The following JAKMIP1 variants were observed in gnomAD, a reference collection of about 807,000 sequenced individuals.
JAKMIP1 encodes janus kinase and microtubule-interacting protein 1.
A neutral mutation model predicts 113.0 loss-of-function variants in JAKMIP1; 33 were observed. The observed-to-expected ratio is 0.29, with a 90% CI of 0.22 to 0.39. The LOEUF (loss-of-function observed/expected upper bound fraction) is 0.39. Ranked by LOEUF, JAKMIP1 falls within the 10% of genes least tolerant of loss-of-function variation. The pLI is 1.00. For synonymous variants in JAKMIP1, 480 were observed against 459.9 expected (o/e 1.04, Z -0.56); for missense variants, 813 against 1,080.5 (o/e 0.75, Z 3.47).
At chr4:6,198,316 C>CT (rs55823725) in intron 1 of JAKMIP1, among the ~76,000 whole-genome samples, 3 of 151,452 alleles carry the variant, frequency 2.0e-5, no homozygotes, top group African/African-American at 4.9e-5. Context: ...TTGTTTTAGA[C>CT]GGGGGGAAAA....
chr4:6,199,755 G>A lies in JAKMIP1; in HGVS notation c.-148+498C>T, dbSNP rs1372555655. ...CCGCGCCGCCGGGGCGCGGCCCCCA[G>A]CTCCATCTTCTTTGCCACCTGGGCG... is the stretch of plus-strand genomic sequence containing the variant. On this transcript the variant is annotated intron_variant, in intron 1 of 20. Transcript: ENST00000409021. This position sits in a 1 kb window ranked among gnomAD's most constrained non-coding sequence, Gnocchi z 5.6. Among the ~76,000 whole-genome samples the A allele has an allele frequency of 1.3e-5, 2 of 151,086 alleles. No homozygotes were observed. Among genetic ancestry groups the A allele is most frequent in the Admixed American group, 6.6e-5 (1 of 15,214 alleles).
chr4:6,085,699 G>GGAGA, intron 3 of JAKMIP1, 70 bp from the exon 4 acceptor site: 1 of 1,444,616 alleles, frequency 6.9e-7, no homozygotes, highest in Non-Finnish European at 9.6e-7. Flanking sequence ...CCCAAATTGG[G>GGAGA]GCCTTCGGCC....
intron 12 of JAKMIP1, among the ~76,000 whole-genome samples, chr4:6,055,332 C>T (rs996786260): frequency 1.3e-5 from 2 of 152,100 alleles, no homozygotes; most frequent in Admixed American, 6.5e-5. Context: ...GATGGTTGTG[C>T]AACACAGTAG....
chr4:6,113,156 G>T (rs1034063104), intron 1 of JAKMIP1, among the ~76,000 whole-genome samples, 159 bp from the exon 2 acceptor site: 3 of 152,212 alleles, frequency 2.0e-5, no homozygotes, highest in Admixed American at 6.5e-5. Flanking sequence ...CAGCAGAATC[G>T]CTTGGAGGTT....
rs781585043 is a variant in JAKMIP1 at position 6,137,820 on chromosome 4, C to T, written c.-147-24823G>A. 6.6e-6 allele frequency among the ~76,000 whole-genome samples: 1 copy of T among 152,262 alleles called. No individual in the cohort carries two copies. Among genetic ancestry groups the T allele is most frequent in the South Asian group, 2.1e-4 (1 of 4,832 alleles). The stretch of plus-strand genomic sequence containing the variant: ...AGGTGGGGATAGGACAAGGTGCCCA[C>T]TGGCTGGCATGGGCCTGGCAGACAA... On this transcript the variant is annotated intron_variant, in intron 1 of 20. Coordinates refer to ENST00000409021, the MANE Select transcript of JAKMIP1 (RefSeq NM_001099433.2). The surrounding 1 kb of genome is among the most constrained non-coding windows in gnomAD (Gnocchi z 4.5).
Position 6,093,666 on chromosome 4 carries a change from C to T in JAKMIP1, c.625-8037G>A, listed in dbSNP as rs1399099785. On this transcript the variant is annotated intron_variant, in intron 3 of 20. Coordinates refer to ENST00000409021, the MANE Select transcript of JAKMIP1 (RefSeq NM_001099433.2). The surrounding 1 kb of genome is among the most constrained non-coding windows in gnomAD (Gnocchi z 4.6). The stretch of plus-strand genomic sequence containing the variant: ...AAGTTCAGGGTCCTGAACCAGACAC[C>T]TCCTGTATTACAATGAATGATGTCC... 1.3e-5 allele frequency among the ~76,000 whole-genome samples: 2 copies of T among 152,172 alleles called. No homozygotes were observed. Among genetic ancestry groups the T allele is most frequent in the East Asian group, 3.9e-4 (2 of 5,188 alleles).
At chr4:6,169,610 T>TGTGTGTGTGTGTGA (rs1724099484) in intron 1 of JAKMIP1, among the ~76,000 whole-genome samples, 1 of 147,420 alleles carries the variant, frequency 6.8e-6, no homozygotes, top group Admixed American at 6.8e-5. Flanking sequence ...AAATTGTGTG[T>TGTGTGTGTGTGTGA]GTGTGTGTGT....
chr4:6,189,265 C>T (rs1265511104), intron 1 of JAKMIP1, among the ~76,000 whole-genome samples: 1 of 152,166 alleles, frequency 6.6e-6, no homozygotes, highest in Non-Finnish European at 1.5e-5. Flanking sequence ...CGTAAGGTAG[C>T]GAAATGCCAG....
intron 15 of JAKMIP1, 32 bp from the exon 16 acceptor site, chr4:6,048,954 C>T: frequency 6.4e-7 from 1 of 1,558,830 alleles, no homozygotes; most frequent in African/African-American, 1.4e-5. Context: ...GGGCATTTGA[C>T]ACTGGATCCC....
At chr4:6,170,655 C>T (rs1015114169) in intron 1 of JAKMIP1, among the ~76,000 whole-genome samples, 8 of 151,630 alleles carry the variant, frequency 5.3e-5, no homozygotes, top group Admixed American at 3.3e-4. Flanking sequence ...CCATTACCAC[C>T]ACCAATCCCA....
intron 19 of JAKMIP1, among the ~76,000 whole-genome samples, chr4:6,034,710 G>A (rs1323880153): frequency 1.3e-5 from 2 of 152,178 alleles, no homozygotes; most frequent in African/African-American, 4.8e-5. Context: ...GCTGAGGCAA[G>A]AGAATTGCTT....
Position 6,043,598 on chromosome 4 carries a change from C to T in JAKMIP1, c.2029-1371G>A, listed in dbSNP as rs368889881. Reference sequence around the variant, plus strand: ...GGACCCCTGATGGGGAAGAGTGCCCCCTCCTTCCTTCCGTCCACTTCCAAC... The same window carrying T: ...GGACCCCTGATGGGGAAGAGTGCCCTCTCCTTCCTTCCGTCCACTTCCAAC... On this transcript the variant is annotated intron_variant, in intron 16 of 20. Transcript: ENST00000409021. Among the ~76,000 whole-genome samples, 3 of 152,130 alleles carry T rather than the reference C, an allele frequency of 2.0e-5. No homozygotes were observed. The South Asian group carries it at 6.2e-4, about 32-fold the overall frequency.
rs942321108 is a variant in JAKMIP1 at position 6,142,649 on chromosome 4, G to A, written c.-147-29652C>T. Among the ~76,000 whole-genome samples, 12 of 152,134 alleles carry A rather than the reference G, an allele frequency of 7.9e-5. No homozygotes were observed. Among genetic ancestry groups the A allele is most frequent in the Non-Finnish European group, 7.3e-5 (5 of 68,032 alleles). On this transcript the variant is annotated intron_variant, in intron 1 of 20. Coordinates refer to ENST00000409021, the MANE Select transcript of JAKMIP1 (RefSeq NM_001099433.2). The surrounding 1 kb of genome is among the most constrained non-coding windows in gnomAD (Gnocchi z 5.5). ...CAGCTGGCATTGGGATCAAATGTGC[G>A]GCCTCTGGACAGGCACAGCTCTGCT...
Position 6,194,295 on chromosome 4 carries a change from T to C in JAKMIP1, c.-148+5958A>G, listed in dbSNP as rs887924747. Among the ~76,000 whole-genome samples, 1 of 152,092 alleles carries C rather than the reference T, an allele frequency of 6.6e-6. No individual in the cohort carries two copies. The highest frequency in any genetic ancestry group is 2.4e-5 in the African/African-American group (1 of 41,426). ...GAAAACGGTTTACAGTAAATGAATTTCACCTCAATTTTTTTAAGAAAAAGA... is the reference window on the plus strand; with the variant it reads ...GAAAACGGTTTACAGTAAATGAATTCCACCTCAATTTTTTTAAGAAAAAGA... On this transcript the variant is annotated intron_variant, in intron 1 of 20. Coordinates refer to ENST00000409021, the MANE Select transcript of JAKMIP1 (RefSeq NM_001099433.2). The surrounding 1 kb of genome is among the most constrained non-coding windows in gnomAD (Gnocchi z 7.4).
At chr4:6,095,055 A>C (rs1242895462) in intron 3 of JAKMIP1, among the ~76,000 whole-genome samples, 1 of 143,616 alleles carries the variant, frequency 7.0e-6, no homozygotes, top group African/African-American at 2.6e-5. Flanking sequence ...GGAAGGAAGG[A>C]AAGAAGGAAA....
chr4:6,036,040 T>C lies in JAKMIP1; in HGVS notation c.2243A>G (p.Glu748Gly). 6.4e-7 allele frequency: 1 copy of C among 1,554,896 alleles called. No individual in the cohort carries two copies. The highest frequency in any genetic ancestry group is 8.7e-7 in the Non-Finnish European group (1 of 1,148,838). The change falls in exon 19 of 21, where the codon GAG becomes GGG. Residue 748 changes from glutamate (E) to glycine (G), a missense_variant. Around this residue, in one of 2 missense-constraint regions of JAKMIP1, gnomAD observed 273 missense variants for 426.6 expected, o/e 0.64. Coordinates refer to ENST00000409021, the MANE Select transcript of JAKMIP1 (RefSeq NM_001099433.2). ...LQQEPGRRAG[E>G]ALSEGQREDL... is the part of the protein sequence containing the mutation. ...CTCCCGCTGGCCCTCGCTCAGCGCC[T>C]CACCGGCCCTCCGCCCCGGCTCCTG...
rs958407959 is a variant in JAKMIP1 at position 6,060,421 on chromosome 4, C to T, written c.1644+3G>A. The T allele has an allele frequency of 1.9e-5, 30 of 1,608,550 alleles. No homozygotes were observed. Among genetic ancestry groups the T allele is most frequent in the Non-Finnish European group, 2.1e-5 (25 of 1,174,966 alleles). ...TCACAGAGCACAGATCACTCCTGCT[C>T]ACCTGTCCCTTCTCAACCAGTAACT... On this transcript the variant is annotated splice_donor_region_variant and intron_variant, in intron 11 of 20. Transcript: ENST00000409021.
intron 1 of JAKMIP1, among the ~76,000 whole-genome samples, chr4:6,164,207 T>C (rs1050389716): frequency 3.8e-4 from 58 of 152,216 alleles, no homozygotes; most frequent in African/African-American, 1.4e-3. Flanking sequence ...CTGACTCTCT[T>C]GCTAGGGGCT....
chr4:6,130,206 G>T (rs894133338), intron 1 of JAKMIP1, among the ~76,000 whole-genome samples: 1 of 152,262 alleles, frequency 6.6e-6, no homozygotes, highest in Admixed American at 6.5e-5. Flanking sequence ...GGCAGGGGAA[G>T]AAGGAGGGAG....
Sources: gnomAD v4.1 joint callset for allele counts (sites outside exome capture counted in the v4.1 genomes callset) on GRCh38, gnomAD v4.1.1 for gene constraint, gnomAD v4.1.1 regional missense constraint, Gnocchi (gnomAD v3.1) non-coding constraint, MANE v1.5 for transcripts, NCBI Gene and HGNC (gene_info 2026-07-23, HGNC 2026-07-21) for gene names.